Variants in CSMD1 observed in about 807,000 individuals in gnomAD.
The protein encoded by CSMD1 is CUB and sushi domain-containing protein 1.
Under a neutral mutation model 417.5 loss-of-function variants are expected in CSMD1, and 213 were observed. That is an observed-to-expected ratio of 0.51 (90% CI 0.46 to 0.57). The LOEUF (loss-of-function observed/expected upper bound fraction) is 0.57, where lower values mean the gene tolerates loss of function less well. CSMD1 is among the 20% of genes least tolerant of loss of function. The pLI is 0.00. For missense variants in CSMD1, 6,923 were observed against 4,529.7 expected (o/e 1.53, Z -15.17); for synonymous variants, 2,862 against 1,736.8 (o/e 1.65, Z -16.11).
chr8:4,661,166 A>T (rs919330390), intron 1 of CSMD1, among the ~76,000 whole-genome samples: 2 of 152,196 alleles, frequency 1.3e-5, no homozygotes, highest in Non-Finnish European at 2.9e-5. Flanking sequence ...CTGCACATGA[A>T]ATTTTATAGC....
At chr8:4,444,021 G>A (rs891631647) in intron 2 of CSMD1, among the ~76,000 whole-genome samples, 2 of 152,086 alleles carry the variant, frequency 1.3e-5, no homozygotes, top group African/African-American at 2.4e-5. Flanking sequence ...GTTAAGGAAG[G>A]AAAACACACA....
intron 3 of CSMD1, among the ~76,000 whole-genome samples, chr8:4,282,253 A>G (rs779159396): frequency 1.3e-5 from 2 of 152,240 alleles, no homozygotes; most frequent in African/African-American, 4.8e-5. Context: ...AAAGGTGAAT[A>G]TAATCCATGT....
intron 7 of CSMD1, among the ~76,000 whole-genome samples, chr8:3,651,554 G>C (rs1217460034): frequency 6.6e-6 from 1 of 152,064 alleles, no homozygotes; most frequent in African/African-American, 2.4e-5. Flanking sequence ...GTATTAATGA[G>C]GTCTTGGCTG....
chr8:3,569,668 T>C (rs1158851129), intron 10 of CSMD1, among the ~76,000 whole-genome samples: 1 of 152,230 alleles, frequency 6.6e-6, no homozygotes, highest in Non-Finnish European at 1.5e-5. Context: ...CAATACGTAA[T>C]ACACTTTCAT....
At chr8:3,614,711 G>C (rs1480470360) in intron 8 of CSMD1, among the ~76,000 whole-genome samples, 2 of 152,166 alleles carry the variant, frequency 1.3e-5, no homozygotes, top group African/African-American at 4.8e-5. Context: ...ATACAAGATG[G>C]GCAGTTCCTC....
chr8:4,013,252 T>G (rs1441510708), intron 4 of CSMD1, among the ~76,000 whole-genome samples: 2 of 152,128 alleles, frequency 1.3e-5, no homozygotes, highest in Non-Finnish European at 2.9e-5. Flanking sequence ...TGACTGTCTC[T>G]CCTACAACCC....
intron 6 of CSMD1, among the ~76,000 whole-genome samples, chr8:3,752,401 T>C (rs1331597648): frequency 6.6e-6 from 1 of 152,080 alleles, no homozygotes; most frequent in East Asian, 1.9e-4. Context: ...ACACCTGTAA[T>C]CCCAGCACTT....
chr8:4,190,083 C>T (rs557194689), intron 3 of CSMD1, among the ~76,000 whole-genome samples: 4 of 151,614 alleles, frequency 2.6e-5, no homozygotes, highest in Admixed American at 6.6e-5. Flanking sequence ...ATGGTGAAAC[C>T]CCATCTCTAC....
intron 3 of CSMD1, among the ~76,000 whole-genome samples, chr8:4,171,041 T>C (rs763771546): frequency 2.6e-5 from 4 of 151,856 alleles, no homozygotes; most frequent in Non-Finnish European, 5.9e-5. Context: ...AATGCACCGA[T>C]CTCTCCATCC....
chr8:4,306,740 A>G (rs1798268950), intron 3 of CSMD1, among the ~76,000 whole-genome samples: 1 of 152,042 alleles, frequency 6.6e-6, no homozygotes, highest in African/African-American at 2.4e-5. Flanking sequence ...TGAGTGCCCG[A>G]CCGCAGCAGG....
intron 4 of CSMD1, among the ~76,000 whole-genome samples, chr8:4,025,051 C>T (rs1211852276): frequency 6.6e-6 from 1 of 152,152 alleles, no homozygotes; most frequent in Non-Finnish European, 1.5e-5. Context: ...GGGACAACAT[C>T]AGACTAATAC....
chr8:4,458,802 T>TA (rs1240053970), intron 2 of CSMD1, among the ~76,000 whole-genome samples: 1 of 152,154 alleles, frequency 6.6e-6, no homozygotes, highest in Non-Finnish European at 1.5e-5. Flanking sequence ...TAATTTTTTT[T>TA]AACAACTTTT....
chr8:3,562,810 C>T (rs988759178), intron 10 of CSMD1, among the ~76,000 whole-genome samples: 1 of 152,034 alleles, frequency 6.6e-6, no homozygotes, highest in Admixed American at 6.5e-5. Flanking sequence ...AGAAAAACAA[C>T]TAAGGCGCAC....
At chr8:4,261,010 A>C (rs1418150725) in intron 3 of CSMD1, among the ~76,000 whole-genome samples, 1 of 152,210 alleles carries the variant, frequency 6.6e-6, no homozygotes, top group African/African-American at 2.4e-5. Context: ...ATTAAAATAC[A>C]AAGTTCAACG....
At chr8:3,528,112 G>A (rs895422200) in intron 10 of CSMD1, among the ~76,000 whole-genome samples, 2 of 152,210 alleles carry the variant, frequency 1.3e-5, no homozygotes, top group Non-Finnish European at 2.9e-5. Flanking sequence ...AGGAATACTG[G>A]AAAGTGATTC....
At chr8:3,792,973 C>G (rs17067587) in intron 5 of CSMD1, among the ~76,000 whole-genome samples, 1 of 152,136 alleles carries the variant, frequency 6.6e-6, no homozygotes, top group Non-Finnish European at 1.5e-5. Flanking sequence ...GGATCACCGT[C>G]TAGAACCATC....
intron 1 of CSMD1, among the ~76,000 whole-genome samples, chr8:4,745,003 C>A (rs1227809858): frequency 2.6e-5 from 4 of 152,088 alleles, no homozygotes; most frequent in Admixed American, 2.0e-4. Flanking sequence ...CAAACATCAA[C>A]CTATCATAAT....
At chr8:4,085,178 T>C (rs1351624019) in intron 3 of CSMD1, among the ~76,000 whole-genome samples, 1 of 152,210 alleles carries the variant, frequency 6.6e-6, no homozygotes, top group Non-Finnish European at 1.5e-5. Context: ...CTGCTGAGGA[T>C]GGCAGCACAG....
intron 4 of CSMD1, among the ~76,000 whole-genome samples, chr8:4,002,068 A>C (rs947595256): frequency 1.3e-5 from 2 of 152,208 alleles, no homozygotes; most frequent in African/African-American, 4.8e-5. Context: ...AAGATTATTA[A>C]GATAGTCTGA....
Sources: allele counts gnomAD v4.1 joint callset (sites outside exome capture counted in the v4.1 genomes callset), GRCh38; gene constraint gnomAD v4.1.1; transcripts MANE v1.5; gene names NCBI Gene and HGNC (gene_info 2026-07-23, HGNC 2026-07-21).